Variants in LSAMP observed in about 807,000 individuals in gnomAD.
LSAMP encodes the protein limbic system associated membrane protein.
In LSAMP, 7 loss-of-function variants were observed where a neutral mutation model predicts 38.6. The ratio of observed to expected loss-of-function variants is 0.18; its 90% CI spans 0.10 to 0.34. The LOEUF (loss-of-function observed/expected upper bound fraction) is 0.34, where lower values mean the gene tolerates loss of function less well. LSAMP is among the 10% of genes least tolerant of loss of function. The pLI, the probability that LSAMP is intolerant of heterozygous loss-of-function variation, is 1.00. For missense variants in LSAMP, 313 were observed against 420.0 expected, an observed-to-expected ratio of 0.75 and a Z score of 2.23; for synonymous variants, 154 against 166.8, an observed-to-expected ratio of 0.92 and a Z score of 0.59.
chr3:116,100,409 C>T (rs1708319380), intron 1 of LSAMP, among the ~76,000 whole-genome samples: 1 of 152,046 alleles, frequency 6.6e-6, no homozygotes, highest in South Asian at 2.1e-4. Context: ...TCTTTTTCTT[C>T]ATGTGTCTTA....
intron 6 of LSAMP, among the ~76,000 whole-genome samples, chr3:115,833,877 TTAAA>T (rs1272407839): frequency 6.6e-6 from 1 of 152,166 alleles, no homozygotes; most frequent in African/African-American, 2.4e-5. Context: ...CAATTTCCCT[TTAAA>T]TAGCCTTAAG....
chr3:116,050,139 G>A (rs918821603), intron 2 of LSAMP, among the ~76,000 whole-genome samples: 1 of 152,118 alleles, frequency 6.6e-6, no homozygotes, highest in Non-Finnish European at 1.5e-5. Context: ...AGTGATATCT[G>A]GGCATTTATT....
chr3:115,821,720 T>C (rs1480758149), intron 6 of LSAMP, among the ~76,000 whole-genome samples: 1 of 152,168 alleles, frequency 6.6e-6, no homozygotes, highest in Non-Finnish European at 1.5e-5. Context: ...CCAAATTCAG[T>C]AGGGATTTTA....
rs1267446260 is a variant in LSAMP at position 116,091,622 on chromosome 3, C to A, written c.156-5066G>T. ...CTGTCATGGCTTCAGCCGGTCCCTC[C>A]GTTTGGGGTCCCTGACTTCCCGCAA... On this transcript the variant is annotated intron_variant, in intron 1 of 6. Transcript: ENST00000490035. Among the ~76,000 whole-genome samples the A allele has an allele frequency of 1.1e-4, 17 of 152,316 alleles. No homozygotes were observed. In the East Asian group the frequency reaches 3.1e-3, roughly 28 times the overall value.
At chr3:115,946,702 A>G (rs1938109302) in intron 3 of LSAMP, among the ~76,000 whole-genome samples, 1 of 152,176 alleles carries the variant, frequency 6.6e-6, no homozygotes, top group Non-Finnish European at 1.5e-5. Flanking sequence ...CAAACATTTA[A>G]GCAAATAATA....
At chr3:116,106,106 A>C (rs993948903) in intron 1 of LSAMP, among the ~76,000 whole-genome samples, 22 of 152,302 alleles carry the variant, frequency 1.4e-4, no homozygotes, top group African/African-American at 4.8e-4. Flanking sequence ...AAACAGGTAT[A>C]AAAGGTCTAA....
At chr3:116,269,452 T>A (rs1049411264) in intron 1 of LSAMP, among the ~76,000 whole-genome samples, 1 of 152,246 alleles carries the variant, frequency 6.6e-6, no homozygotes, top group African/African-American at 2.4e-5. Context: ...TACACAGTGC[T>A]CAACAAATAT....
chr3:116,222,777 C>T (rs557699556), intron 1 of LSAMP, among the ~76,000 whole-genome samples: 1 of 125,766 alleles, frequency 8.0e-6, no homozygotes, highest in Non-Finnish European at 1.6e-5. Flanking sequence ...CTCTGTTCGC[C>T]CAGGCTGGAG....
At chr3:115,886,857 A>G (rs1209103505) in intron 3 of LSAMP, among the ~76,000 whole-genome samples, 1 of 151,974 alleles carries the variant, frequency 6.6e-6, no homozygotes, top group Non-Finnish European at 1.5e-5. Flanking sequence ...CCACCTTGAG[A>G]TACCAAGTCT....
At chr3:116,107,001 G>A (rs1177478188) in intron 1 of LSAMP, among the ~76,000 whole-genome samples, 2 of 152,190 alleles carry the variant, frequency 1.3e-5, no homozygotes, top group African/African-American at 4.8e-5. Context: ...AGGTGGGCTA[G>A]TGGCTTATAC....
At chr3:115,850,461 A>G (rs1935294396) in intron 4 of LSAMP, among the ~76,000 whole-genome samples, 1 of 152,240 alleles carries the variant, frequency 6.6e-6, no homozygotes, top group African/African-American at 2.4e-5. Context: ...GTGTACATAA[A>G]AGAAGCTAAC....
intron 3 of LSAMP, among the ~76,000 whole-genome samples, chr3:115,895,822 C>A (rs2107469636): frequency 6.6e-6 from 1 of 152,116 alleles, no homozygotes; most frequent in Non-Finnish European, 1.5e-5. Flanking sequence ...GAGGGGTTAC[C>A]TCTTTAAGTA....
chr3:116,341,082 T>C (rs2047988637), intron 1 of LSAMP, among the ~76,000 whole-genome samples: 1 of 152,004 alleles, frequency 6.6e-6, no homozygotes, highest in South Asian at 2.1e-4. Flanking sequence ...TAATGACATT[T>C]AAACACTTTA....
intron 2 of LSAMP, among the ~76,000 whole-genome samples, chr3:116,037,655 C>T (rs1010986345): frequency 1.3e-5 from 2 of 151,986 alleles, no homozygotes; most frequent in Non-Finnish European, 2.9e-5. Context: ...TCTCAGAAAG[C>T]ACAAAAGGAA....
chr3:115,893,114 A>G (rs972014111), intron 3 of LSAMP, among the ~76,000 whole-genome samples: 1 of 151,970 alleles, frequency 6.6e-6, no homozygotes, highest in Non-Finnish European at 1.5e-5. Context: ...ACATGGACAC[A>G]GGGAGGGGAA....
chr3:116,073,819 T>G lies in LSAMP; in HGVS notation c.388+12505A>C, dbSNP rs920731548. Among the ~76,000 whole-genome samples the G allele has an allele frequency of 3.9e-5, 6 of 152,238 alleles. No homozygotes were observed. The East Asian group carries it at 1.2e-3, about 29-fold the overall frequency. ...ACATGATAGTTAATGTATGCTTAGTTGTATAACTCAGTGTTTTTATTTGGA... is the reference window on the plus strand; with the variant it reads ...ACATGATAGTTAATGTATGCTTAGTGGTATAACTCAGTGTTTTTATTTGGA... On this transcript the variant is annotated intron_variant, in intron 2 of 6. Transcript: ENST00000490035.
intron 1 of LSAMP, among the ~76,000 whole-genome samples, chr3:116,121,162 CT>C (rs1303258941): frequency 1.3e-5 from 2 of 152,160 alleles, no homozygotes; most frequent in Non-Finnish European, 2.9e-5. Context: ...AACTTTCTAC[CT>C]AATAATAGTT....
intron 3 of LSAMP, among the ~76,000 whole-genome samples, chr3:115,982,493 C>T (rs1444379942): frequency 2.0e-5 from 3 of 152,000 alleles, no homozygotes; most frequent in Admixed American, 6.6e-5. Flanking sequence ...CTCAAATTGC[C>T]CAAGATTCTT....
intron 1 of LSAMP, among the ~76,000 whole-genome samples, chr3:116,108,701 G>A (rs1018561257): frequency 5.9e-5 from 9 of 152,198 alleles, no homozygotes; most frequent in African/African-American, 1.7e-4. Flanking sequence ...GGGTCCCGCA[G>A]AGATGGGACG....
Sources: gnomAD v4.1 joint callset for allele counts (sites outside exome capture counted in the v4.1 genomes callset) on GRCh38, gnomAD v4.1.1 for gene constraint, MANE v1.5 for transcripts, NCBI Gene and HGNC (gene_info 2026-07-23, HGNC 2026-07-21) for gene names.